PCDHA1: variants seen among roughly 807,000 people sequenced by gnomAD.
The protein encoded by PCDHA1 is protocadherin alpha-1.
PCDHA1 carries 42 observed loss-of-function variants against 61.3 expected under a neutral mutation model. The observed-to-expected ratio is 0.69, with a 90% CI of 0.54 to 0.89. The LOEUF is 0.89. PCDHA1 is among the 40% of genes least tolerant of loss of function. The pLI, the probability that PCDHA1 is intolerant of heterozygous loss-of-function variation, is 0.00. For synonymous variants in PCDHA1, 610 were observed against 553.8 expected (o/e 1.10, Z -1.43); for missense variants, 1,256 against 1,235.3 (o/e 1.02, Z -0.25).
At position 140,852,782 on chromosome 5, in the gene PCDHA1, A is replaced by T. The variant is rs2042471437; in HGVS notation, c.2394+64098A>T. ...GTATCTGATTATTTGATGTGAATAG[A>T]GGGATGCTACAGATGTCATTTGTCT... On this transcript the variant is annotated intron_variant, in intron 1 of 3. Transcript: ENST00000504120. 4 of 979,406 alleles carry T rather than the reference A, an allele frequency of 4.1e-6. No homozygotes were observed. In the South Asian group the frequency reaches 1.9e-4, roughly 47 times the overall value. 60.7% of individuals were successfully genotyped at this position (979,406 alleles called of 1,614,324 possible). A position where few individuals can be genotyped will look rare whatever the true frequency, so the allele number is the denominator to read the frequency against.
chr5:140,883,557 G>T, intron 1 of PCDHA1: 1 of 1,614,214 alleles, frequency 6.2e-7, no homozygotes, highest in South Asian at 1.1e-5. Flanking sequence ...GCGCGGGACG[G>T]GGGCTCGCCT....
At chr5:140,922,891 G>GA (rs1554201035) in intron 1 of PCDHA1, among the ~76,000 whole-genome samples, 2 of 152,160 alleles carry the variant, frequency 1.3e-5, no homozygotes, top group Non-Finnish European at 2.9e-5. Context: ...CATCATTCAA[G>GA]AAAAAATTTT....
intron 1 of PCDHA1, among the ~76,000 whole-genome samples, chr5:140,972,741 G>T (rs1453484254): frequency 6.9e-6 from 1 of 145,350 alleles, no homozygotes; most frequent in Non-Finnish European, 1.5e-5. Context: ...CCGGCTCACT[G>T]CAACCTCCGC....
At chr5:140,891,855 C>T (rs1282802499) in intron 1 of PCDHA1, among the ~76,000 whole-genome samples, 1 of 152,156 alleles carries the variant, frequency 6.6e-6, no homozygotes, top group Admixed American at 6.6e-5. Flanking sequence ...GAGCCTGTCC[C>T]TCTCTTATGC....
intron 1 of PCDHA1, chr5:140,877,530 T>C: frequency 1.2e-6 from 2 of 1,613,780 alleles, no homozygotes; most frequent in Non-Finnish European, 1.7e-6. Context: ...CAGTGGGCGC[T>C]GTGGATCCCG....
In PCDHA1 at chr5:140,789,278, C is replaced by T. The variant is rs572518563; in HGVS notation, c.2394+594C>T. The stretch of plus-strand genomic sequence containing the variant: ...TAGCCTGGACAACATGGTGAAACCC[C>T]GTCTCAACTAAAAATACAAAAACAT... On this transcript the variant is annotated intron_variant, in intron 1 of 3. Transcript: ENST00000504120. 1.1e-3 allele frequency among the ~76,000 whole-genome samples: 174 copies of T among 152,180 alleles called. 1 individual carries two copies. In the Middle Eastern group the frequency reaches 0.014, roughly 12 times the overall value.
intron 1 of PCDHA1, chr5:140,871,160 C>G (rs1554165222): frequency 1.2e-6 from 2 of 1,613,470 alleles, no homozygotes; most frequent in South Asian, 1.1e-5. Flanking sequence ...GCGGGCGCCG[C>G]GAGCCCAGAG....
At chr5:140,968,881 C>A in intron 1 of PCDHA1, 1 of 1,614,154 alleles carries the variant, frequency 6.2e-7, no homozygotes, top group Non-Finnish European at 8.5e-7. Context: ...CTGAAATTAC[C>A]CTTTATCTAA....
chr5:140,844,829 G>T (rs1252495421), intron 1 of PCDHA1, among the ~76,000 whole-genome samples: 2 of 148,848 alleles, frequency 1.3e-5, no homozygotes, highest in Non-Finnish European at 3.0e-5. Flanking sequence ...CTTTTTACAC[G>T]TTTGCTTCTT....
Position 140,928,935 on chromosome 5 carries a change from C to G in PCDHA1, c.2395-50014C>G, listed in dbSNP as rs782430427. On this transcript the variant is annotated intron_variant, in intron 1 of 3. Transcript: ENST00000504120. ...CAGGAGGGCAGCTTTCTGCCCAGAA[C>G]TTGTATTTAGTAATTGCCTTGGCTT... The G allele has an allele frequency of 2.5e-6, 4 of 1,613,984 alleles. No individual in the cohort carries two copies. The East Asian group carries it at 8.9e-5, about 36-fold the overall frequency.
At chr5:140,967,422 A>C in intron 1 of PCDHA1, 6 of 1,613,338 alleles carry the variant, frequency 3.7e-6, no homozygotes, top group East Asian at 2.2e-5. Flanking sequence ...GACCGGGAGC[A>C]GGCAGCCTTG....
chr5:140,853,239 A>G (rs2150529987), intron 1 of PCDHA1: 14 of 978,474 alleles, frequency 1.4e-5, no homozygotes, highest in Middle Eastern at 5.3e-4. Flanking sequence ...AGTCCTTCAT[A>G]TTAATCTCTA....
chr5:140,868,759 T>G, intron 1 of PCDHA1: 1 of 230,962 alleles, frequency 4.3e-6, no homozygotes, highest in Non-Finnish European at 8.5e-6. Context: ...TCCATATATA[T>G]TTAGTTTCAA....
chr5:140,926,766 C>A (rs950499262), intron 1 of PCDHA1: 34 of 1,343,396 alleles, frequency 2.5e-5, no homozygotes, highest in Non-Finnish European at 3.3e-5. Context: ...GAGTATCCAG[C>A]CCGCAGCAGT....
chr5:140,856,495 T>G lies in PCDHA1; in HGVS notation c.2394+67811T>G, dbSNP rs1554148773. 5.0e-6 allele frequency: 8 copies of G among 1,598,330 alleles called. 1 individual carries two copies. Among genetic ancestry groups the G allele is most frequent in the African/African-American group, 2.7e-5 (2 of 74,276 alleles). ...TACCTGAATCCAGACTGCTTGACTC[T>G]CGATTTCCACTAGAAGGCGCATCTG... On this transcript the variant is annotated intron_variant, in intron 1 of 3. Transcript: ENST00000504120.
At chr5:140,867,196 T>G (rs2049814377) in intron 1 of PCDHA1, 1 of 152,086 alleles carries the variant, frequency 6.6e-6, no homozygotes, top group Non-Finnish European at 1.5e-5. Context: ...AGACTCCACA[T>G]TCCATGTAAC....
At chr5:140,821,335 T>C (rs1766950723) in intron 1 of PCDHA1, among the ~76,000 whole-genome samples, 1 of 152,206 alleles carries the variant, frequency 6.6e-6, no homozygotes. Flanking sequence ...TAGTAAGGAT[T>C]GGGGTTTCAT....
At chr5:140,883,890 G>T (rs2153398485) in intron 1 of PCDHA1, 1 of 1,613,462 alleles carries the variant, frequency 6.2e-7, no homozygotes, top group Non-Finnish European at 8.5e-7. Context: ...CGCGACTCTG[G>T]CGTGCCGCCT....
intron 1 of PCDHA1, chr5:140,806,865 G>C: frequency 2.7e-6 from 1 of 371,838 alleles, no homozygotes; most frequent in East Asian, 5.4e-5. Context: ...GGTACAATGT[G>C]TACCACAGTA....
Sources: allele counts gnomAD v4.1 joint callset (sites outside exome capture counted in the v4.1 genomes callset), GRCh38; gene constraint gnomAD v4.1.1; transcripts MANE v1.5; gene names NCBI Gene and HGNC (gene_info 2026-07-23, HGNC 2026-07-21).